Variants in USP34 observed in about 807,000 individuals in gnomAD.
USP34 encodes the protein ubiquitin specific peptidase 34.
Under a neutral mutation model 460.3 loss-of-function variants are expected in USP34, and 70 were observed. The ratio of observed to expected loss-of-function variants is 0.15; its 90% confidence interval spans 0.13 to 0.19. The LOEUF (loss-of-function observed/expected upper bound fraction) is 0.19. Among genes scored for constraint, USP34 ranks in the 10% least tolerant of loss-of-function variants. USP34 has a pLI of 1.00. For synonymous variants in USP34, 1,647 were observed against 1,405.3 expected, an observed-to-expected ratio of 1.17 and a Z score of -3.85; for missense variants, 3,985 against 4,236.2, an observed-to-expected ratio of 0.94 and a Z score of 1.65.
At chr2:61,277,153 T>C (rs1689395777) in intron 41 of USP34, among the ~76,000 whole-genome samples, 1 of 152,148 alleles carries the variant, frequency 6.6e-6, no homozygotes, top group African/African-American at 2.4e-5. Context: ...CTAATTCCAC[T>C]GTATTAGGAT....
At chr2:61,265,606 A>G in intron 42 of USP34, 49 bp from the exon 43 acceptor site, 1 of 1,549,212 alleles carries the variant, frequency 6.5e-7, no homozygotes, top group Non-Finnish European at 8.7e-7. Flanking sequence ...AAACTATGAA[A>G]CACAATGTAT....
chr2:61,239,584 A>T (rs1255510946), intron 53 of USP34, among the ~76,000 whole-genome samples: 1 of 152,226 alleles, frequency 6.6e-6, no homozygotes, highest in Non-Finnish European at 1.5e-5. Flanking sequence ...TTATACAAAT[A>T]GGTAAGTTTA....
At chr2:61,395,116 C>T (rs3213951) in intron 4 of USP34, 67 bp downstream of exon 4, 454,068 of 1,435,138 alleles carry the variant, frequency 0.32, 74,161 homozygotes, top group Middle Eastern at 0.39. Flanking sequence ...AATAATAAAA[C>T]ATATGGATGA....
chr2:61,308,323 C>A (rs1464530150), intron 27 of USP34, among the ~76,000 whole-genome samples: 1 of 151,946 alleles, frequency 6.6e-6, no homozygotes, highest in Non-Finnish European at 1.5e-5. Context: ...TAAAAATAGG[C>A]ATATTTTTTC....
At chr2:61,204,207 A>T in intron 74 of USP34, 49 bp downstream of exon 74, 2 of 1,605,612 alleles carry the variant, frequency 1.2e-6, no homozygotes, top group South Asian at 2.2e-5. Context: ...AAAAATTTCA[A>T]ATTACTTTGT....
chr2:61,421,908 G>C lies in USP34; in HGVS notation c.44-1075C>G, dbSNP rs190920307. On this transcript the variant is annotated intron_variant, in intron 1 of 79. Coordinates refer to ENST00000398571, the MANE Select transcript of USP34 (RefSeq NM_014709.4). Reference sequence around the variant, plus strand: ...TGCTGGTAAGCTGAACTAGGAGGTTGGAAGATTCCTCTCTGGTAATACTGA... The same window carrying C: ...TGCTGGTAAGCTGAACTAGGAGGTTCGAAGATTCCTCTCTGGTAATACTGA... 1.1e-4 allele frequency among the ~76,000 whole-genome samples: 16 copies of C among 152,254 alleles called. No homozygotes were observed. In the East Asian group the frequency reaches 2.7e-3, roughly 26 times the overall value.
chr2:61,305,259 G>T (rs1690366540), intron 27 of USP34, among the ~76,000 whole-genome samples: 1 of 151,952 alleles, frequency 6.6e-6, no homozygotes, highest in Non-Finnish European at 1.5e-5. Context: ...AAAGGCGGAG[G>T]TTGCACTGAG....
At position 61,301,126 on chromosome 2, in the gene USP34, T is replaced by G; in HGVS notation, c.3953A>C (p.Glu1318Ala). The G allele has an allele frequency of 1.9e-6, 3 of 1,613,670 alleles. No individual in the cohort carries two copies. Among genetic ancestry groups the G allele is most frequent in the Non-Finnish European group, 2.5e-6 (3 of 1,179,928 alleles). Residue 1318 changes from glutamate (E) to alanine (A), a missense_variant, in exon 29 of 80, where the codon GAG (glutamate) becomes GCG (alanine). Glu to Ala is a moderately radical substitution (Grantham distance 107). Coordinates refer to ENST00000398571, the MANE Select transcript of USP34 (RefSeq NM_014709.4). Reference protein sequence around the residue: ...VFVSLGAPRRERKGEGVQLPA... With the variant: ...VFVSLGAPRRARKGEGVQLPA... Reference sequence around the variant, plus strand: ...CAGCTGAACACCTTCCCCTTTCCGCTCTCTCCTTGGTGCACCCAAAGATAC... The same window carrying G: ...CAGCTGAACACCTTCCCCTTTCCGCGCTCTCCTTGGTGCACCCAAAGATAC...
intron 20 of USP34, among the ~76,000 whole-genome samples, chr2:61,330,670 C>G (rs969112142): frequency 6.6e-6 from 1 of 152,144 alleles, no homozygotes; most frequent in Non-Finnish European, 1.5e-5. Context: ...AGCTCACCAG[C>G]AGAAATCTTC....
At chr2:61,192,834 C>G (rs530389964) in intron 76 of USP34, 67 bp downstream of exon 76, 28 of 1,371,114 alleles carry the variant, frequency 2.0e-5, no homozygotes, top group African/African-American at 1.8e-4. Context: ...ACCCACTGTT[C>G]CTAAAATTAT....
At chr2:61,194,856 C>T (rs747664609) in intron 75 of USP34, among the ~76,000 whole-genome samples, 7 of 150,840 alleles carry the variant, frequency 4.6e-5, no homozygotes, top group Non-Finnish European at 1.0e-4. Context: ...GGGAGGCTGA[C>T]GCAGGAGAAT....
chr2:61,336,528 A>G (rs1231708465), intron 18 of USP34, among the ~76,000 whole-genome samples: 4 of 151,718 alleles, frequency 2.6e-5, no homozygotes, highest in Non-Finnish European at 4.4e-5. Context: ...AAAAACCTCA[A>G]GCTGGGTGCA....
chr2:61,424,878 AG>A (rs1694465819), intron 1 of USP34, among the ~76,000 whole-genome samples: 3 of 152,240 alleles, frequency 2.0e-5, no homozygotes, highest in Admixed American at 6.5e-5. Context: ...CCGCCAGGGT[AG>A]AGTGCAATGG....
intron 3 of USP34, among the ~76,000 whole-genome samples, chr2:61,396,208 A>C (rs1409763044): frequency 6.6e-6 from 1 of 152,212 alleles, no homozygotes; most frequent in African/African-American, 2.4e-5. Context: ...CTGAAGAGTT[A>C]CACGTGCTTC....
intron 22 of USP34, among the ~76,000 whole-genome samples, chr2:61,318,619 T>C (rs1690823804): frequency 6.6e-6 from 1 of 152,202 alleles, no homozygotes; most frequent in African/African-American, 2.4e-5. Context: ...CAATTGGGAA[T>C]AGTTCATTCA....
At chr2:61,452,693 G>A (rs1351717994) in intron 1 of USP34, among the ~76,000 whole-genome samples, 1 of 151,510 alleles carries the variant, frequency 6.6e-6, no homozygotes, top group Non-Finnish European at 1.5e-5. Context: ...AGACCCACCT[G>A]GGAAACACAA....
At chr2:61,360,624 T>C (rs962921714) in intron 10 of USP34, among the ~76,000 whole-genome samples, 4 of 152,182 alleles carry the variant, frequency 2.6e-5, no homozygotes, top group Non-Finnish European at 4.4e-5. Flanking sequence ...ACCCAAAATC[T>C]ACAGAGTCAA....
At chr2:61,442,714 C>G (rs1375311166) in intron 1 of USP34, among the ~76,000 whole-genome samples, 2 of 152,182 alleles carry the variant, frequency 1.3e-5, no homozygotes, top group Non-Finnish European at 2.9e-5. Flanking sequence ...CCTCAAAAAA[C>G]TACAAACACG....
At chr2:61,273,458 C>A (rs559846073) in intron 41 of USP34, among the ~76,000 whole-genome samples, 2 of 152,162 alleles carry the variant, frequency 1.3e-5, no homozygotes, top group Non-Finnish European at 1.5e-5. Flanking sequence ...GTGGCTCATG[C>A]TTGTAATCCC....
Sources: allele counts gnomAD v4.1 joint callset (sites outside exome capture counted in the v4.1 genomes callset), GRCh38; gene constraint gnomAD v4.1.1; transcripts MANE v1.5; gene names NCBI Gene and HGNC (gene_info 2026-07-23, HGNC 2026-07-21).